Variants in DNAH8 observed in about 807,000 individuals in gnomAD.
The protein encoded by DNAH8 is dynein axonemal heavy chain 8.
DNAH8 carries 382 observed loss-of-function variants against 562.1 expected under a neutral mutation model. That is an observed-to-expected ratio of 0.68 (90% CI 0.63 to 0.74). The LOEUF is 0.74. Ranked by LOEUF, DNAH8 falls within the 30% of genes least tolerant of loss-of-function variation. The probability of loss-of-function intolerance (pLI) is 0.00; values close to 1 mark genes in which losing one functional copy is unlikely to be tolerated. For missense variants in DNAH8, 5,203 were observed against 5,620.4 expected (o/e 0.93, Z 2.37); for synonymous variants, 1,881 against 1,919.4 (o/e 0.98, Z 0.52).
At chr6:38,790,015 G>GTTTT in intron 19 of DNAH8, 132 bp downstream of exon 19, 139 of 550,412 alleles carry the variant, frequency 2.5e-4, no homozygotes, top group South Asian at 1.8e-3. Context: ...TTATAGCTCT[G>GTTTT]TTTTTTTTTT....
intron 63 of DNAH8, among the ~76,000 whole-genome samples, chr6:38,906,791 G>A (rs546319512): frequency 7.9e-5 from 12 of 152,138 alleles, no homozygotes; most frequent in South Asian, 2.1e-4. Context: ...CAGCACTTCC[G>A]TGAGCACTCA....
At chr6:38,811,744 T>C (rs1407793097) in intron 24 of DNAH8, among the ~76,000 whole-genome samples, 1 of 152,104 alleles carries the variant, frequency 6.6e-6, no homozygotes, top group African/African-American at 2.4e-5. Context: ...CATACTTGGG[T>C]TTTAATGTGC....
chr6:38,924,480 G>A (rs559115910), intron 73 of DNAH8, among the ~76,000 whole-genome samples: 1 of 151,784 alleles, frequency 6.6e-6, no homozygotes. Flanking sequence ...CTCCAGACTG[G>A]GCAACAAGAG....
chr6:38,932,220 G>A (rs527687689), intron 76 of DNAH8, among the ~76,000 whole-genome samples: 53 of 18,986 alleles, frequency 2.8e-3, no homozygotes, highest in Non-Finnish European at 6.3e-3. Flanking sequence ...ACACACACCC[G>A]TCTCTTTCTA....
chr6:38,749,202 G>C (rs983621826), intron 8 of DNAH8, among the ~76,000 whole-genome samples: 1 of 152,122 alleles, frequency 6.6e-6, no homozygotes, highest in Non-Finnish European at 1.5e-5. Flanking sequence ...ATAAAAGGGA[G>C]TGAGATCATG....
chr6:39,022,826 C>T (rs868359395), intron 91 of DNAH8, among the ~76,000 whole-genome samples: 17 of 152,370 alleles, frequency 1.1e-4, no homozygotes, highest in South Asian at 6.2e-4. Context: ...CCCCATCCCA[C>T]CCTGCACTGT....
chr6:38,867,213 A>G (rs916734773), intron 47 of DNAH8, among the ~76,000 whole-genome samples: 10 of 143,136 alleles, frequency 7.0e-5, no homozygotes, highest in Non-Finnish European at 1.1e-4. Context: ...TCAGTTATAC[A>G]TGCACTGGTG....
rs1429961431 is a variant in DNAH8, at chr6:38,809,520, G to A, written c.3257+1804G>A. On this transcript the variant is annotated intron_variant, in intron 24 of 92. Transcript: ENST00000327475. ...CTTACTTGTGAGGTCAGGTGGGGGAGTTATTTAAGTTGCATTGTATCTATA... is the reference window on the plus strand; with the variant it reads ...CTTACTTGTGAGGTCAGGTGGGGGAATTATTTAAGTTGCATTGTATCTATA... Among the ~76,000 whole-genome samples, 5 of 152,146 alleles carry A rather than the reference G, an allele frequency of 3.3e-5. No homozygotes were observed. In the East Asian group the frequency reaches 9.6e-4, roughly 29 times the overall value.
rs60714058 is a variant in DNAH8 at position 38,999,051 on chromosome 6, T to C, written c.13214+8879T>C. The stretch of plus-strand genomic sequence containing the variant: ...CCAGGGAATGACATTCTGTGCATAG[T>C]AAAATGTGTGTTGGGGAGAGCTTGG... On this transcript the variant is annotated intron_variant, in intron 88 of 92. Coordinates refer to ENST00000327475, the MANE Select transcript of DNAH8 (RefSeq NM_001206927.2). Among the ~76,000 whole-genome samples, 1,234 of 152,344 alleles carry C rather than the reference T, an allele frequency of 8.1e-3. 14 individuals are homozygous for C. Among genetic ancestry groups the C allele is most frequent in the African/African-American group, 0.028 (1,170 of 41,594 alleles).
intron 82 of DNAH8, among the ~76,000 whole-genome samples, chr6:38,964,981 T>C (rs773272554): frequency 1.3e-5 from 2 of 152,002 alleles, no homozygotes; most frequent in African/African-American, 2.4e-5. Flanking sequence ...TGAGAATCTC[T>C]TGAACCCTGG....
At position 39,012,484 on chromosome 6, in the gene DNAH8, C is replaced by T. The variant is rs1312861905; in HGVS notation, c.13561C>T (p.Arg4521Cys). The T allele has an allele frequency of 4.3e-6, 7 of 1,613,936 alleles. No homozygotes were observed. Among genetic ancestry groups the T allele is most frequent in the South Asian group, 2.2e-5 (2 of 91,060 alleles). The change falls in exon 91 of 93, where the codon CGT (arginine) becomes TGT (cysteine). Residue 4521 changes from arginine to cysteine, a missense_variant. By Grantham distance (180) the Arg-to-Cys change is radical (BLOSUM62 -3). This residue lies in a region of DNAH8 where 1,399 missense variants were observed against 1,518.4 expected (regional missense o/e 0.92). Coordinates refer to ENST00000327475, the MANE Select transcript of DNAH8 (RefSeq NM_001206927.2). The stretch of plus-strand genomic sequence containing the variant: ...TGCTCTGGACAACATGTATGATGCT[C>T]GTATACCTCAGCTCTGGAAAAGAGT... ...RDALDNMYDARIPQLWKRVSW... is the reference protein window; with the variant it reads ...RDALDNMYDACIPQLWKRVSW...
At chr6:38,990,599 C>T (rs1764715676) in intron 88 of DNAH8, among the ~76,000 whole-genome samples, 1 of 152,128 alleles carries the variant, frequency 6.6e-6, no homozygotes, top group Admixed American at 6.5e-5. Flanking sequence ...GTATTTCTGC[C>T]TGGTCCTCTC....
intron 26 of DNAH8, among the ~76,000 whole-genome samples, chr6:38,818,593 G>C (rs1772519558): frequency 7.6e-6 from 1 of 131,132 alleles, no homozygotes; most frequent in Admixed American, 7.8e-5. Flanking sequence ...AAACACAGCA[G>C]ACAGGTGAAG....
At chr6:38,779,721 C>A (rs189671489) in intron 14 of DNAH8, among the ~76,000 whole-genome samples, 1 of 152,212 alleles carries the variant, frequency 6.6e-6, no homozygotes, top group East Asian at 1.9e-4. Flanking sequence ...CATTTCTGAC[C>A]CATTTGTAAT....
intron 18 of DNAH8, 97 bp from the exon 19 acceptor site, chr6:38,789,706 G>A: frequency 4.8e-6 from 4 of 837,860 alleles, no homozygotes; most frequent in Non-Finnish European, 7.6e-6. Flanking sequence ...AGGACTACGA[G>A]GAAACTGGGA....
chr6:38,722,577 G>GTGTGTGTGTGT (rs1491079737), intron 1 of DNAH8, among the ~76,000 whole-genome samples, 199 bp from the exon 2 acceptor site: 6 of 150,880 alleles, frequency 4.0e-5, no homozygotes, highest in African/African-American at 1.2e-4. Context: ...CTCCCAGGTG[G>GTGTGTGTGTGT]GTGGGGGTGT....
rs774785406 is a variant in DNAH8 at position 38,834,576 on chromosome 6, C to T, written c.4303-3C>T. On this transcript the variant is annotated splice_region_variant and splice_polypyrimidine_tract_variant and intron_variant, in intron 31 of 92. Transcript: ENST00000327475. Reference sequence around the variant, plus strand: ...AAAATGGAGATTATATTCTTCCTTACAGGAAGGACCTATGGTTCCAAATAT... The same window carrying T: ...AAAATGGAGATTATATTCTTCCTTATAGGAAGGACCTATGGTTCCAAATAT... 6.3e-7 allele frequency: 1 copy of T among 1,576,650 alleles called. No individual in the cohort carries two copies. The highest frequency in any genetic ancestry group is 2.3e-5 in the East Asian group (1 of 44,020).
chr6:38,814,825 T>C (rs186116994), intron 25 of DNAH8, among the ~76,000 whole-genome samples: 1 of 152,296 alleles, frequency 6.6e-6, no homozygotes, highest in East Asian at 1.9e-4. Context: ...AAAGAGCCTG[T>C]GCCCTGAGCA....
chr6:38,892,692 A>G (rs1779420261), intron 58 of DNAH8, among the ~76,000 whole-genome samples: 1 of 152,092 alleles, frequency 6.6e-6, no homozygotes, highest in Admixed American at 6.5e-5. Context: ...TTCTTTTCAC[A>G]GTCCTAGATG....
Sources: gnomAD v4.1 joint callset for allele counts (sites outside exome capture counted in the v4.1 genomes callset) on GRCh38, gnomAD v4.1.1 for gene constraint, gnomAD v4.1.1 regional missense constraint, MANE v1.5 for transcripts, NCBI Gene and HGNC (gene_info 2026-07-23, HGNC 2026-07-21) for gene names.